The following CNKSR2 variants were observed in gnomAD, a reference collection of about 807,000 sequenced individuals.
CNKSR2 encodes connector enhancer of kinase suppressor of Ras 2.
A neutral mutation model predicts 84.4 loss-of-function variants in CNKSR2; 14 were observed. The ratio of observed to expected loss-of-function variants is 0.17; its 90% CI spans 0.11 to 0.26. CNKSR2 has a LOEUF of 0.26. CNKSR2 is among the 10% of genes least tolerant of loss of function. The pLI is 1.00. For synonymous variants in CNKSR2, 275 were observed against 277.9 expected (o/e 0.99, Z 0.10); for missense variants, 485 against 771.2 (o/e 0.63, Z 4.40).
At chrX:21,567,899 A>T (rs73451482) in intron 13 of CNKSR2, among the ~76,000 whole-genome samples, 296 of 110,125 alleles carry the variant, frequency 2.7e-3, no homozygotes, top group African/African-American at 9.6e-3. Flanking sequence ...TCTGAATCTC[A>T]TCTTTAAATC....
At chrX:21,560,184 C>T (rs558682341) in intron 11 of CNKSR2, among the ~76,000 whole-genome samples, 2 of 110,774 alleles carry the variant, frequency 1.8e-5, no homozygotes, top group Admixed American at 9.6e-5. Context: ...GGTGGTAGTT[C>T]GTAAGCTGGA....
At position 21,509,265 on chromosome X, in the gene CNKSR2, C is replaced by T. The variant is rs143108862; in HGVS notation, c.811-7220C>T. On this transcript the variant is annotated intron_variant, in intron 8 of 21. Transcript: ENST00000379510. ...TTAAAAAACCAAATGCCTTGATGTACTCTTATTTCACTGGATAAGTGCCAT... is the reference window on the plus strand; with the variant it reads ...TTAAAAAACCAAATGCCTTGATGTATTCTTATTTCACTGGATAAGTGCCAT... 2.2e-3 allele frequency among the ~76,000 whole-genome samples: 248 copies of T among 111,905 alleles called. 3 individuals carry two copies. The highest frequency in any genetic ancestry group is 7.4e-3 in the African/African-American group (228 of 30,915).
Position 21,585,582 on chromosome X carries a change from T to C in CNKSR2, c.1609-4990T>C, listed in dbSNP as rs768151912. On this transcript the variant is annotated intron_variant, in intron 13 of 21. Transcript: ENST00000379510. ...AGGGAGGAAAAAAATGTAATTACTA[T>C]TTAATAAGATATAGAAGAGTAGGAA... is the stretch of plus-strand genomic sequence containing the variant. Among the ~76,000 whole-genome samples, 4 of 110,575 alleles carry C rather than the reference T, an allele frequency of 3.6e-5. No individual in the cohort carries two copies. The Admixed American group carries it at 3.9e-4, about 11-fold the overall frequency.
chrX:21,636,549 A>G (rs1412033025), intron 20 of CNKSR2, among the ~76,000 whole-genome samples: 1 of 111,419 alleles, frequency 9.0e-6, no homozygotes, highest in Non-Finnish European at 1.9e-5. Context: ...AGGAATGGTT[A>G]TTTTTACTAA....
chrX:21,417,582 T>C (rs2090439547), intron 1 of CNKSR2, among the ~76,000 whole-genome samples: 1 of 111,866 alleles, frequency 8.9e-6, no homozygotes, highest in Admixed American at 9.5e-5. Flanking sequence ...TTGCTTTATA[T>C]ATTTGAGTTC....
intron 9 of CNKSR2, among the ~76,000 whole-genome samples, chrX:21,521,626 A>G (rs1038415308): frequency 3.6e-5 from 4 of 110,794 alleles, no homozygotes; most frequent in Non-Finnish European, 7.6e-5. Flanking sequence ...TACAATGTGC[A>G]GTATTTCATG....
intron 1 of CNKSR2, among the ~76,000 whole-genome samples, chrX:21,397,776 C>T (rs2090139071): frequency 9.0e-6 from 1 of 111,260 alleles, no homozygotes; most frequent in South Asian, 3.7e-4. Context: ...AAATGATAAA[C>T]GTTTAAGGTG....
intron 13 of CNKSR2, among the ~76,000 whole-genome samples, chrX:21,575,630 A>C (rs1473382503): frequency 9.0e-6 from 1 of 111,541 alleles, no homozygotes; most frequent in Non-Finnish European, 1.9e-5. Context: ...AGACCTCCAG[A>C]CCCAAGGAAG....
chrX:21,621,380 TA>T (rs2092600900), intron 20 of CNKSR2, among the ~76,000 whole-genome samples: 1 of 111,732 alleles, frequency 8.9e-6, no homozygotes, highest in South Asian at 3.7e-4. Context: ...GTTAAATTTT[TA>T]ATGTCTCATG....
chrX:21,515,892 A>G (rs2091723704), intron 8 of CNKSR2, among the ~76,000 whole-genome samples: 1 of 112,083 alleles, frequency 8.9e-6, no homozygotes, highest in Admixed American at 9.5e-5. Context: ...TCATTGGAGT[A>G]GTATTATCTT....
At chrX:21,443,663 C>T (rs898042261) in intron 4 of CNKSR2, among the ~76,000 whole-genome samples, 2 of 111,530 alleles carry the variant, frequency 1.8e-5, no homozygotes, top group East Asian at 5.6e-4. Flanking sequence ...ATCCTAATTA[C>T]GCAGAAACAA....
chrX:21,584,710 C>T (rs776214593), intron 13 of CNKSR2, among the ~76,000 whole-genome samples: 138 of 111,256 alleles, frequency 1.2e-3, no homozygotes, highest in Middle Eastern at 9.4e-3. Flanking sequence ...GGGTGAAGGT[C>T]TTGGGATGGG....
At chrX:21,448,586 A>G (rs962286561) in intron 4 of CNKSR2, among the ~76,000 whole-genome samples, 4 of 112,178 alleles carry the variant, frequency 3.6e-5, no homozygotes, top group Admixed American at 9.5e-5. Flanking sequence ...TATAGTTACT[A>G]TTAGGTTGGT....
At chrX:21,638,684 T>C (rs1448684532) in intron 20 of CNKSR2, among the ~76,000 whole-genome samples, 1 of 112,252 alleles carries the variant, frequency 8.9e-6, no homozygotes, top group Non-Finnish European at 1.9e-5. Context: ...TTCTTTGTGG[T>C]ATCATAGATA....
At chrX:21,611,945 A>G (rs1569274055) in intron 20 of CNKSR2, among the ~76,000 whole-genome samples, 2 of 111,920 alleles carry the variant, frequency 1.8e-5, no homozygotes, top group African/African-American at 3.3e-5. Flanking sequence ...AAATCTTGCC[A>G]CTTGATTTCT....
chrX:21,439,326 C>A (rs1314485817), intron 3 of CNKSR2, among the ~76,000 whole-genome samples: 1 of 110,747 alleles, frequency 9.0e-6, no homozygotes, highest in Non-Finnish European at 1.9e-5. Context: ...GAAAAAAGAC[C>A]AAATCATAAT....
chrX:21,586,586 TA>T (rs1209459087), intron 13 of CNKSR2, among the ~76,000 whole-genome samples: 2 of 111,490 alleles, frequency 1.8e-5, no homozygotes, highest in Non-Finnish European at 3.8e-5. Flanking sequence ...AATACTTTTT[TA>T]AAAAAGGCAA....
chrX:21,427,680 T>C (rs1041657436), intron 2 of CNKSR2: 6 of 112,567 alleles, frequency 5.3e-5, no homozygotes, highest in Non-Finnish European at 1.1e-4. Context: ...ATTCATTTCT[T>C]TTTCAACAAT....
At chrX:21,514,063 A>C (rs1448385212) in intron 8 of CNKSR2, among the ~76,000 whole-genome samples, 1 of 111,673 alleles carries the variant, frequency 9.0e-6, no homozygotes. Context: ...TTCTATATTT[A>C]TGTACATTCT....
Sources: gnomAD v4.1 joint callset for allele counts (sites outside exome capture counted in the v4.1 genomes callset) on GRCh38, gnomAD v4.1.1 for gene constraint, MANE v1.5 for transcripts, NCBI Gene and HGNC (gene_info 2026-07-23, HGNC 2026-07-21) for gene names.